The following GPHN variants were observed in gnomAD, a reference collection of about 807,000 sequenced individuals.
GPHN encodes the protein gephyrin.
Under a neutral mutation model 95.5 loss-of-function variants are expected in GPHN, and 17 were observed. The ratio of observed to expected loss-of-function variants is 0.18; its 90% CI spans 0.12 to 0.27. GPHN has a LOEUF of 0.27. GPHN is among the 10% of genes least tolerant of loss of function. The pLI, the probability that GPHN is intolerant of heterozygous loss-of-function variation, is 1.00. For missense variants in GPHN, 660 were observed against 978.1 expected, an observed-to-expected ratio of 0.67 and a Z score of 4.34; for synonymous variants, 320 against 322.5, an observed-to-expected ratio of 0.99 and a Z score of 0.08.
At chr14:67,656,203 G>A in the GPHN span, among the ~76,000 whole-genome samples, 75 of 149,504 alleles carry the variant, frequency 5.0e-4, no homozygotes, top group Middle Eastern at 6.9e-3. Context: ...TGGAGATCAC[G>A]CCACTGCACT....
intron 3 of GPHN, among the ~76,000 whole-genome samples, chr14:66,791,278 GGGGGT>G (rs1566948753): frequency 6.6e-6 from 1 of 152,186 alleles, no homozygotes; most frequent in Non-Finnish European, 1.5e-5. Context: ...TTGTCCCTTT[GGGGGT>G]TATCAGGGAG....
chr14:66,818,453 T>C (rs200805771), intron 3 of GPHN, among the ~76,000 whole-genome samples: 2 of 152,200 alleles, frequency 1.3e-5, no homozygotes, highest in East Asian at 1.9e-4. Flanking sequence ...TGTGGCTGCA[T>C]AGTATTGCAT....
the GPHN span, among the ~76,000 whole-genome samples, chr14:67,234,845 C>G: frequency 4.0e-5 from 6 of 151,496 alleles, no homozygotes; most frequent in East Asian, 2.0e-4. Flanking sequence ...CCACTGCGCC[C>G]GGCCTACAGT....
chr14:67,498,536 G>C, the GPHN span, among the ~76,000 whole-genome samples: 1 of 152,298 alleles, frequency 6.6e-6, no homozygotes, highest in South Asian at 2.1e-4. Context: ...ATAAAAGACA[G>C]GGCTACCATT....
the GPHN span, among the ~76,000 whole-genome samples, chr14:67,539,425 G>A: frequency 1.3e-5 from 2 of 152,150 alleles, no homozygotes; most frequent in South Asian, 2.1e-4. Flanking sequence ...ACCAAGAAGC[G>A]AGCTTACTCG....
chr14:67,300,337 T>TTTTTTTTTTTTTTTTC, the GPHN span, among the ~76,000 whole-genome samples: 3 of 90,642 alleles, frequency 3.3e-5, no homozygotes, highest in African/African-American at 2.9e-4. Flanking sequence ...ATGAATTACC[T>TTTTTTTTTTTTTTTTC]TTTTTTTTTT....
the GPHN span, chr14:67,337,250 G>T: frequency 1.3e-5 from 2 of 152,546 alleles, no homozygotes; most frequent in African/African-American, 4.8e-5. Context: ...GGTGGCTTAT[G>T]CCTGTAATCC....
At chr14:67,074,642 A>G (rs1198580334) in intron 11 of GPHN, among the ~76,000 whole-genome samples, 1 of 152,154 alleles carries the variant, frequency 6.6e-6, no homozygotes. Context: ...TTAGTGAGGA[A>G]GGCATGTCAA....
At chr14:67,328,156 T>A in the GPHN span, among the ~76,000 whole-genome samples, 1 of 152,238 alleles carries the variant, frequency 6.6e-6, no homozygotes, top group Non-Finnish European at 1.5e-5. Context: ...TGTTTCCGAC[T>A]TTTTAATGAT....
the GPHN span, among the ~76,000 whole-genome samples, chr14:67,711,645 AT>A: frequency 4.6e-5 from 7 of 152,244 alleles, no homozygotes; most frequent in Admixed American, 3.3e-4. Flanking sequence ...TTATAGATTC[AT>A]AAAGACCTTT....
At chr14:67,442,345 G>A in the GPHN span, among the ~76,000 whole-genome samples, 1 of 152,142 alleles carries the variant, frequency 6.6e-6, no homozygotes, top group Non-Finnish European at 1.5e-5. Flanking sequence ...GGCCAGAATG[G>A]TGTTTCTACT....
chr14:67,555,811 C>G, the GPHN span: 1 of 1,612,960 alleles, frequency 6.2e-7, no homozygotes, highest in Non-Finnish European at 8.5e-7. Context: ...TCCCCTTTCT[C>G]TCTGGCCAAG....
At chr14:67,609,231 C>T in the GPHN span, among the ~76,000 whole-genome samples, 1 of 152,062 alleles carries the variant, frequency 6.6e-6, no homozygotes, top group Non-Finnish European at 1.5e-5. Flanking sequence ...GACATCTGTG[C>T]CACTTGCTCA....
intron 9 of GPHN, among the ~76,000 whole-genome samples, chr14:66,988,327 A>G (rs1441513839): frequency 6.6e-6 from 1 of 151,846 alleles, no homozygotes; most frequent in Admixed American, 6.6e-5. Flanking sequence ...TTGTCATGAG[A>G]CTTCATTTGG....
the GPHN span, among the ~76,000 whole-genome samples, chr14:67,547,731 C>T: frequency 6.6e-6 from 1 of 152,216 alleles, no homozygotes; most frequent in African/African-American, 2.4e-5. Context: ...TGGAAGAATG[C>T]CCTTCTTCCT....
intron 2 of GPHN, among the ~76,000 whole-genome samples, chr14:66,713,144 G>A (rs2069823293): frequency 6.6e-6 from 1 of 152,108 alleles, no homozygotes; most frequent in Non-Finnish European, 1.5e-5. Flanking sequence ...CCATGCAAAA[G>A]CTCTTTACCA....
intron 4 of GPHN, among the ~76,000 whole-genome samples, chr14:66,834,277 C>A (rs944902263): frequency 2.0e-5 from 3 of 152,130 alleles, no homozygotes; most frequent in Non-Finnish European, 4.4e-5. Flanking sequence ...CCAAAACATA[C>A]ATCCTCTATT....
the GPHN span, among the ~76,000 whole-genome samples, chr14:67,255,735 C>T: frequency 6.6e-6 from 1 of 152,174 alleles, no homozygotes; most frequent in Non-Finnish European, 1.5e-5. Flanking sequence ...GGCTGTAGTG[C>T]AGTAGTGCAA....
At chr14:67,662,088 G>A in the GPHN span, among the ~76,000 whole-genome samples, 2 of 151,720 alleles carry the variant, frequency 1.3e-5, no homozygotes, top group Non-Finnish European at 2.9e-5. Context: ...CCCGGGAGGT[G>A]GAGCTTGCAG....
Sources: allele counts gnomAD v4.1 joint callset (sites outside exome capture counted in the v4.1 genomes callset), GRCh38; gene constraint gnomAD v4.1.1; transcripts MANE v1.5; gene names NCBI Gene and HGNC (gene_info 2026-07-23, HGNC 2026-07-21).